The following EGFL6 variants were observed in gnomAD, a reference collection of about 807,000 sequenced individuals.
EGFL6 encodes the protein EGF like domain multiple 6, also known as epidermal growth factor-like protein 6.
EGFL6 carries 42 observed loss-of-function variants against 43.1 expected under a neutral mutation model. The observed-to-expected ratio is 0.98, with a 90% confidence interval of 0.76 to 1.26. EGFL6 has a LOEUF of 1.26. EGFL6 is among the 50% of genes most tolerant of loss of function. The pLI is 0.00. For missense variants in EGFL6, 429 were observed against 427.8 expected (o/e 1.00, Z -0.02); for synonymous variants, 164 against 163.2 (o/e 1.01, Z -0.04).
intron 9 of EGFL6, among the ~76,000 whole-genome samples, chrX:13,623,278 G>A (rs1384754447): frequency 2.0e-4 from 21 of 106,518 alleles, no homozygotes. Context: ...GCCTGAATTC[G>A]ATAAACAATT....
rs1310687779 is a variant in EGFL6, at chrX:13,633,253, A to G, written c.*158A>G. 7.3e-6 allele frequency: 3 copies of G among 411,330 alleles called. No homozygotes were observed. Among genetic ancestry groups the G allele is most frequent in the African/African-American group, 2.6e-5 (1 of 38,236 alleles). 33.9% of individuals were successfully genotyped at this position (411,330 alleles called of 1,213,427 possible). A position where few individuals can be genotyped will look rare whatever the true frequency, so the allele number is the denominator to read the frequency against. On this transcript the variant is annotated 3_prime_UTR_variant, in exon 12 of 12. Coordinates refer to ENST00000361306, the MANE Select transcript of EGFL6 (RefSeq NM_015507.4). ...TGCCTTTCTTGTATAAGATATGCCA[A>G]TATTTGCTTTAAATATCATATCACT... is the stretch of plus-strand genomic sequence containing the variant.
At chrX:13,609,615 A>G (rs957590780) in intron 7 of EGFL6, among the ~76,000 whole-genome samples, 2 of 110,768 alleles carry the variant, frequency 1.8e-5, no homozygotes. Flanking sequence ...TTAGCCGGGC[A>G]TGGTGGTGCA....
At chrX:13,601,252 A>C (rs2045632693) in intron 4 of EGFL6, among the ~76,000 whole-genome samples, 1 of 111,428 alleles carries the variant, frequency 9.0e-6, no homozygotes, top group Non-Finnish European at 1.9e-5. Flanking sequence ...CCCACTACCA[A>C]AGATTAGTGA....
chrX:13,632,085 A>T (rs1039574277), intron 11 of EGFL6, among the ~76,000 whole-genome samples: 3 of 110,561 alleles, frequency 2.7e-5, no homozygotes, highest in South Asian at 3.8e-4. Context: ...ATATTATGAA[A>T]TATTTTCAAC....
At chrX:13,624,808 A>C (rs1301291652) in intron 10 of EGFL6, among the ~76,000 whole-genome samples, 1 of 111,844 alleles carries the variant, frequency 8.9e-6, no homozygotes, top group Admixed American at 9.5e-5. Flanking sequence ...CCTCACATGC[A>C]ATCAGAAAAC....
chrX:13,598,627 C>G (rs1318152223), intron 3 of EGFL6, among the ~76,000 whole-genome samples: 1 of 108,638 alleles, frequency 9.2e-6, no homozygotes, highest in Non-Finnish European at 1.9e-5. Flanking sequence ...GAAAGTCACC[C>G]TCGATCTTAC....
chrX:13,632,839 T>C, intron 11 of EGFL6, 146 bp from the exon 12 acceptor site: 1 of 452,613 alleles, frequency 2.2e-6, no homozygotes, highest in Non-Finnish European at 3.6e-6. Flanking sequence ...ACACCTGGCA[T>C]CTAAAAAATA....
chrX:13,606,653 A>AT (rs1352341675), intron 6 of EGFL6, 140 bp downstream of exon 6: 9 of 627,626 alleles, frequency 1.4e-5, no homozygotes, highest in Non-Finnish European at 1.6e-5. Flanking sequence ...AGGAAAGGTT[A>AT]TTTTTTTAGG....
intron 11 of EGFL6, among the ~76,000 whole-genome samples, chrX:13,630,893 C>T (rs1304017927): frequency 8.9e-6 from 1 of 112,255 alleles, no homozygotes; most frequent in Non-Finnish European, 1.9e-5. Context: ...GAGCATGATT[C>T]TTAAAGGGTC....
intron 2 of EGFL6, among the ~76,000 whole-genome samples, chrX:13,594,522 A>G (rs953016087): frequency 4.5e-5 from 5 of 112,289 alleles, no homozygotes; most frequent in African/African-American, 1.6e-4. Context: ...AAACGAGGCA[A>G]GAGACAGAAG....
At chrX:13,617,298 C>A (rs771522291) in intron 7 of EGFL6, among the ~76,000 whole-genome samples, 1 of 111,968 alleles carries the variant, frequency 8.9e-6, no homozygotes, top group South Asian at 3.7e-4. Context: ...CCATTATTAG[C>A]AATTTATATG....
chrX:13,610,543 T>G (rs1022773082), intron 7 of EGFL6, among the ~76,000 whole-genome samples: 3 of 111,815 alleles, frequency 2.7e-5, no homozygotes, highest in African/African-American at 9.8e-5. Flanking sequence ...GAGAGAGAGA[T>G]TGGCTGCCCA....
chrX:13,620,261 A>G (rs1028209985), intron 9 of EGFL6, among the ~76,000 whole-genome samples: 1 of 111,546 alleles, frequency 9.0e-6, no homozygotes, highest in Non-Finnish European at 1.9e-5. Flanking sequence ...TTATATATTT[A>G]TCCCTTTCAC....
intron 9 of EGFL6, among the ~76,000 whole-genome samples, chrX:13,621,202 A>C (rs999894636): frequency 1.8e-5 from 2 of 112,639 alleles, no homozygotes; most frequent in Non-Finnish European, 3.8e-5. Flanking sequence ...GGGGGTGTGC[A>C]TAAGTGAGAT....
At chrX:13,612,693 C>T (rs934090238) in intron 7 of EGFL6, among the ~76,000 whole-genome samples, 7 of 110,167 alleles carry the variant, frequency 6.4e-5, no homozygotes, top group Admixed American at 2.9e-4. Context: ...ACCTCCCGGA[C>T]GGGGTGGCTA....
chrX:13,570,391 A>G (rs1362552389), intron 1 of EGFL6, among the ~76,000 whole-genome samples: 2 of 111,097 alleles, frequency 1.8e-5, no homozygotes, highest in African/African-American at 6.6e-5. Context: ...CTGGGGAAGG[A>G]GGGAAAGAAA....
chrX:13,592,913 C>T (rs900830351), intron 2 of EGFL6, among the ~76,000 whole-genome samples: 9 of 81,768 alleles, frequency 1.1e-4, no homozygotes, highest in Admixed American at 1.3e-4. Context: ...AGGCTAGGTT[C>T]TTTCTTTTTT....
chrX:13,612,090 C>T (rs1246627119), intron 7 of EGFL6, among the ~76,000 whole-genome samples: 7 of 108,781 alleles, frequency 6.4e-5, no homozygotes, highest in Non-Finnish European at 9.6e-5. Context: ...GGGTGTTTCT[C>T]GGAGAGGGGG....
chrX:13,590,873 T>A (rs949982129), intron 2 of EGFL6, among the ~76,000 whole-genome samples: 27 of 111,529 alleles, frequency 2.4e-4, no homozygotes, highest in African/African-American at 8.2e-4. Flanking sequence ...CTTGTGTCAA[T>A]TAAAAGGGTG....
Sources: gnomAD v4.1 joint callset for allele counts (sites outside exome capture counted in the v4.1 genomes callset) on GRCh38, gnomAD v4.1.1 for gene constraint, MANE v1.5 for transcripts, NCBI Gene and HGNC (gene_info 2026-07-23, HGNC 2026-07-21) for gene names.